Variants in SLC8A1 observed in about 807,000 individuals in gnomAD.
The protein encoded by SLC8A1 is sodium/calcium exchanger 1.
In SLC8A1, 18 loss-of-function variants were observed where a neutral mutation model predicts 68.3. The ratio of observed to expected loss-of-function variants is 0.26; its 90% CI spans 0.18 to 0.39. The LOEUF is 0.39. Ranked by LOEUF, SLC8A1 falls within the 10% of genes least tolerant of loss-of-function variation. SLC8A1 has a pLI of 1.00. For synonymous variants in SLC8A1, 475 were observed against 415.5 expected, an observed-to-expected ratio of 1.14 and a Z score of -1.74; for missense variants, 985 against 1,156.7, an observed-to-expected ratio of 0.85 and a Z score of 2.15.
intron 2 of SLC8A1, among the ~76,000 whole-genome samples, chr2:40,318,210 T>G (rs1204784920): frequency 6.6e-6 from 1 of 152,080 alleles, no homozygotes; most frequent in Non-Finnish European, 1.5e-5. Context: ...TTTTTAAAAT[T>G]CTGGTGTGCG....
intron 7 of SLC8A1, among the ~76,000 whole-genome samples, chr2:40,139,160 C>T (rs1048009846): frequency 2.6e-5 from 4 of 152,106 alleles, no homozygotes; most frequent in Non-Finnish European, 4.4e-5. Flanking sequence ...TCTTACAGGC[C>T]GTGGAGACCC....
At chr2:40,137,550 C>T (rs1032496275) in intron 7 of SLC8A1, among the ~76,000 whole-genome samples, 7 of 152,238 alleles carry the variant, frequency 4.6e-5, no homozygotes, top group Admixed American at 2.0e-4. Context: ...ATAATTACCT[C>T]AGATAGAAGC....
At chr2:40,439,211 A>G (rs7603114) in intron 1 of SLC8A1, among the ~76,000 whole-genome samples, 97,065 of 151,906 alleles carry the variant, frequency 0.64, 32,879 homozygotes, top group African/African-American at 0.86. Flanking sequence ...ATGTTGCTGC[A>G]GGTGTTTTGT....
At chr2:40,252,901 GTAT>G (rs2063054420) in intron 2 of SLC8A1, among the ~76,000 whole-genome samples, 1 of 20,838 alleles carries the variant, frequency 4.8e-5, no homozygotes, top group Non-Finnish European at 2.0e-4. Flanking sequence ...AATTTTATAT[GTAT>G]GTATATGTGT....
intron 2 of SLC8A1, among the ~76,000 whole-genome samples, chr2:40,265,304 C>A (rs893317589): frequency 2.6e-5 from 4 of 152,150 alleles, no homozygotes; most frequent in African/African-American, 9.7e-5. Context: ...CTATTAAGAT[C>A]TAGCATTCAA....
intron 2 of SLC8A1, among the ~76,000 whole-genome samples, chr2:40,321,445 C>A (rs1278892269): frequency 6.6e-6 from 1 of 152,054 alleles, no homozygotes; most frequent in Non-Finnish European, 1.5e-5. Context: ...CTCAGTAACG[C>A]ATGGGGTCTG....
intron 2 of SLC8A1, among the ~76,000 whole-genome samples, chr2:40,296,909 C>T (rs1016752453): frequency 6.6e-6 from 1 of 152,184 alleles, no homozygotes; most frequent in Non-Finnish European, 1.5e-5. Context: ...TGGCTCTCCA[C>T]TAGAAACTCC....
intron 4 of SLC8A1, among the ~76,000 whole-genome samples, chr2:40,167,252 G>A (rs1052687607): frequency 7.9e-5 from 12 of 152,224 alleles, no homozygotes; most frequent in Admixed American, 2.6e-4. Context: ...CTAGTATCTC[G>A]ACTTTTGTAC....
At chr2:40,370,071 A>G (rs1185293238) in intron 2 of SLC8A1, among the ~76,000 whole-genome samples, 3 of 152,146 alleles carry the variant, frequency 2.0e-5, no homozygotes, top group Non-Finnish European at 4.4e-5. Context: ...ACAGGGAGAC[A>G]TGGCATTTTA....
At chr2:40,258,877 C>A (rs1475246475) in intron 2 of SLC8A1, among the ~76,000 whole-genome samples, 10 of 151,438 alleles carry the variant, frequency 6.6e-5, no homozygotes, top group Non-Finnish European at 1.3e-4. Flanking sequence ...CAACAAAAAA[C>A]CCAATCTTCC....
intron 1 of SLC8A1, among the ~76,000 whole-genome samples, chr2:40,492,312 TCC>T (rs1295243795): frequency 6.6e-6 from 1 of 152,108 alleles, no homozygotes; most frequent in Admixed American, 6.6e-5. Context: ...TGAAACTGGA[TCC>T]CTTCCTGACA....
At chr2:40,375,096 T>C (rs1240135823) in intron 2 of SLC8A1, among the ~76,000 whole-genome samples, 1 of 152,058 alleles carries the variant, frequency 6.6e-6, no homozygotes, top group African/African-American at 2.4e-5. Flanking sequence ...CACCAAAGAC[T>C]GTTTTGGTAA....
chr2:40,274,861 G>T (rs2066500330), intron 2 of SLC8A1, among the ~76,000 whole-genome samples: 1 of 152,152 alleles, frequency 6.6e-6, no homozygotes, highest in African/African-American at 2.4e-5. Flanking sequence ...AATGGATAAG[G>T]ATTGAAGCTG....
chr2:40,439,785 T>C (rs754023887), intron 1 of SLC8A1, among the ~76,000 whole-genome samples: 10 of 152,078 alleles, frequency 6.6e-5, no homozygotes, highest in Non-Finnish European at 1.5e-4. Context: ...AAGAATAAGC[T>C]CTTCTTGAAA....
intron 2 of SLC8A1, among the ~76,000 whole-genome samples, chr2:40,419,612 T>C (rs766308109): frequency 4.6e-5 from 7 of 152,116 alleles, no homozygotes; most frequent in African/African-American, 7.2e-5. Flanking sequence ...GGAACACAGA[T>C]ATACACACTG....
At chr2:40,235,694 G>T (rs930255303) in intron 2 of SLC8A1, among the ~76,000 whole-genome samples, 7 of 151,294 alleles carry the variant, frequency 4.6e-5, no homozygotes, top group Non-Finnish European at 1.0e-4. Flanking sequence ...GTGATGTTAG[G>T]GTGTCAATTT....
At chr2:40,491,521 G>C (rs755336508) in intron 1 of SLC8A1, among the ~76,000 whole-genome samples, 16 of 152,038 alleles carry the variant, frequency 1.1e-4, no homozygotes, top group Non-Finnish European at 1.8e-4. Flanking sequence ...CCAACACTAT[G>C]TTGAATAGGA....
chr2:40,419,892 C>A (rs1694996297), intron 2 of SLC8A1, among the ~76,000 whole-genome samples: 1 of 152,086 alleles, frequency 6.6e-6, no homozygotes, highest in South Asian at 2.1e-4. Flanking sequence ...AAACACATTG[C>A]TATCAGGTTT....
At chr2:40,343,331 G>C (rs1321749815) in intron 2 of SLC8A1, among the ~76,000 whole-genome samples, 1 of 152,078 alleles carries the variant, frequency 6.6e-6, no homozygotes, top group Non-Finnish European at 1.5e-5. Flanking sequence ...ACATCACCAT[G>C]AACTTAAAAC....
Sources: gnomAD v4.1 joint callset for allele counts (sites outside exome capture counted in the v4.1 genomes callset) on GRCh38, gnomAD v4.1.1 for gene constraint, MANE v1.5 for transcripts, NCBI Gene and HGNC (gene_info 2026-07-23, HGNC 2026-07-21) for gene names.